Variants in GSN observed in about 807,000 individuals in gnomAD.
GSN encodes gelsolin, also known as actin-depolymerizing factor.
Under a neutral mutation model 85.7 loss-of-function variants are expected in GSN, and 56 were observed. The ratio of observed to expected loss-of-function variants is 0.65; its 90% CI spans 0.53 to 0.82. The LOEUF is 0.82. Among genes scored for constraint, GSN ranks in the 40% least tolerant of loss-of-function variants. The pLI, the probability that GSN is intolerant of heterozygous loss-of-function variation, is 0.00. For synonymous variants in GSN, 373 were observed against 399.1 expected, an observed-to-expected ratio of 0.93 and a Z score of 0.78; for missense variants, 857 against 979.8, an observed-to-expected ratio of 0.87 and a Z score of 1.67.
intron 6 of GSN, among the ~76,000 whole-genome samples, chr9:121,257,995 G>A (rs962285951): frequency 6.6e-6 from 1 of 152,162 alleles, no homozygotes. Flanking sequence ...AATGTAAGGA[G>A]GAAAAAATGA....
At position 121,216,227 on chromosome 9, in the gene GSN, C is replaced by T. The variant is rs191314157; in HGVS notation, c.-528+5360C>T. ...CCTCCCAAAGTTCTGGAATTACAGA[C>T]GTGAGCCACTGCACCCGGCCCATCA... On this transcript the variant is annotated intron_variant, in intron 4 of 24. Coordinates refer to the GSN transcript ENST00000373823. Among the ~76,000 whole-genome samples the T allele has an allele frequency of 4.6e-3, 701 of 152,212 alleles. 5 individuals carry two copies. The highest frequency in any genetic ancestry group is 0.016 in the African/African-American group (654 of 41,532).
Position 121,331,862 on chromosome 9 carries a change from C to G in GSN, c.2026+414C>G, listed in dbSNP as rs531420305. On this transcript the variant is annotated intron_variant, in intron 17 of 17. Transcript: ENST00000432226. ...TGAGCCCAGGAGTTTGAAAGCAGCC[C>G]GGGCAACATAGTGAAACCTCATCTC... The G allele has an allele frequency of 3.7e-5, 7 of 189,750 alleles. No homozygotes were observed. In the East Asian group the frequency reaches 9.1e-4, roughly 25 times the overall value. The allele number at this position is 189,750 out of a possible 1,614,324, so 11.8% of individuals were successfully genotyped here.
Position 121,317,178 on chromosome 9 carries a change from C to G in GSN, c.846C>G (p.Ile282Met), listed in dbSNP as rs756249390. 5 of 1,614,084 alleles carry G rather than the reference C, an allele frequency of 3.1e-6. No homozygotes were observed. The East Asian group carries it at 1.1e-4, about 36-fold the overall frequency. Reference protein sequence around the residue: ...QGALKSEDCFILDHGKDGKIF... With the variant: ...QGALKSEDCFMLDHGKDGKIF... Reference sequence around the variant, plus strand: ...CCCTGAAGTCAGAGGACTGCTTCATCCTGGACCACGGCAAAGATGGGAAAA... The same window carrying G: ...CCCTGAAGTCAGAGGACTGCTTCATGCTGGACCACGGCAAAGATGGGAAAA... Residue 282 changes from isoleucine to methionine, a missense_variant, in exon 8 of 18, where the codon ATC (isoleucine) becomes ATG (methionine). Ile to Met is a conservative substitution (Grantham distance 10). Coordinates refer to ENST00000432226, the MANE Select transcript of GSN (RefSeq NM_198252.3).
chr9:121,247,883 C>T (rs1046127113), intron 5 of GSN, among the ~76,000 whole-genome samples: 2 of 149,642 alleles, frequency 1.3e-5, no homozygotes, highest in Non-Finnish European at 3.0e-5. Flanking sequence ...CCCACCACCC[C>T]CAGTGCCCAC....
At chr9:121,276,911 T>G (rs1222628344) in intron 1 of GSN, among the ~76,000 whole-genome samples, 1 of 151,666 alleles carries the variant, frequency 6.6e-6, no homozygotes, top group African/African-American at 2.4e-5. Flanking sequence ...CTGCAGGTTG[T>G]GCACATGTAC....
At chr9:121,246,057 T>C (rs1440458373) in intron 5 of GSN, among the ~76,000 whole-genome samples, 1 of 152,244 alleles carries the variant, frequency 6.6e-6, no homozygotes, top group African/African-American at 2.4e-5. Flanking sequence ...TTTAGAGATA[T>C]ATTCTGAAAT....
chr9:121,317,401 A>G (rs1376522634), intron 8 of GSN, 183 bp downstream of exon 8: 6 of 664,732 alleles, frequency 9.0e-6, no homozygotes, highest in South Asian at 3.3e-5. Context: ...CACTTTACTT[A>G]CCCTTTCTGG....
Position 121,332,422 on chromosome 9 carries a change from G to C in GSN, c.2027-12G>C. 6.2e-7 allele frequency: 1 copy of C among 1,613,412 alleles called. No individual in the cohort carries two copies. The highest frequency in any genetic ancestry group is 8.5e-7 in the Non-Finnish European group (1 of 1,179,312). ...TTCCTGGGGTTTCCTTTTCTTGCAC[G>C]TGTGTCTGCAGCTAAGCGGTACATC... On this transcript the variant is annotated splice_polypyrimidine_tract_variant and intron_variant, in intron 17 of 17. Transcript: ENST00000432226. The surrounding 1 kb of genome is among the most constrained non-coding windows in gnomAD (Gnocchi z 4.8).
intron 5 of GSN, among the ~76,000 whole-genome samples, chr9:121,234,599 G>A (rs943233269): frequency 6.6e-6 from 1 of 152,198 alleles, no homozygotes; most frequent in Non-Finnish European, 1.5e-5. Context: ...AGCATCGTGT[G>A]ACATACGATG....
chr9:121,233,239 G>A (rs1006079209), intron 5 of GSN, among the ~76,000 whole-genome samples: 1 of 152,244 alleles, frequency 6.6e-6, no homozygotes, highest in South Asian at 2.1e-4. Flanking sequence ...ACTGAGGCAG[G>A]TGGATCACAA....
chr9:121,209,019 G>A (rs928119771), intron 1 of GSN, among the ~76,000 whole-genome samples: 4 of 152,328 alleles, frequency 2.6e-5, no homozygotes, highest in Middle Eastern at 3.4e-3. Flanking sequence ...CCTTTGCCTC[G>A]TCTGACTTCT....
At chr9:121,235,145 C>T (rs2054468264) in intron 5 of GSN, among the ~76,000 whole-genome samples, 1 of 152,194 alleles carries the variant, frequency 6.6e-6, no homozygotes, top group African/African-American at 2.4e-5. Context: ...TTCAGCAACT[C>T]CCCGAATCCG....
intron 4 of GSN, among the ~76,000 whole-genome samples, chr9:121,218,606 G>C (rs1022900444): frequency 1.3e-5 from 2 of 152,218 alleles, no homozygotes; most frequent in Non-Finnish European, 1.5e-5. Flanking sequence ...CTGCACTCCA[G>C]CCTAGGTAAC....
In GSN at chr9:121,302,120, T is replaced by C; in HGVS notation, c.149T>C (p.Val50Ala). 2 of 1,614,190 alleles carry C rather than the reference T, an allele frequency of 1.2e-6. No homozygotes were observed. Among genetic ancestry groups the C allele is most frequent in the Non-Finnish European group, 1.7e-6 (2 of 1,180,004 alleles). Residue 50 changes from valine (V) to alanine (A), a missense_variant, in exon 3 of 18, where the codon GTG becomes GCG. Coordinates refer to ENST00000432226, the MANE Select transcript of GSN (RefSeq NM_198252.3). ...TGDAYVILKTVQLRNGNLQYD... is the reference protein window; with the variant it reads ...TGDAYVILKTAQLRNGNLQYD... ...GACGCCTACGTCATCCTGAAGACAGTGCAGCTGAGGAACGGAAATCTGCAG... is the reference window on the plus strand; with the variant it reads ...GACGCCTACGTCATCCTGAAGACAGCGCAGCTGAGGAACGGAAATCTGCAG...
intron 5 of GSN, among the ~76,000 whole-genome samples, chr9:121,246,337 G>A (rs1021204586): frequency 6.6e-6 from 1 of 152,172 alleles, no homozygotes; most frequent in African/African-American, 2.4e-5. Context: ...CAGTCACTTT[G>A]TGAGAATGAA....
upstream of GSN, among the ~76,000 whole-genome samples, chr9:121,266,503 C>G (rs1338609821): frequency 6.6e-6 from 1 of 152,216 alleles, no homozygotes; most frequent in Non-Finnish European, 1.5e-5. Flanking sequence ...GTGAGCCTCC[C>G]TGCGGGGTGG....
chr9:121,303,490 A>T (rs1337786939), intron 4 of GSN, among the ~76,000 whole-genome samples: 1 of 152,198 alleles, frequency 6.6e-6, no homozygotes. Context: ...TGTTAGTCAC[A>T]TCCCTCTTTC....
chr9:121,224,845 G>T (rs904216576), intron 4 of GSN, among the ~76,000 whole-genome samples: 6 of 151,460 alleles, frequency 4.0e-5, no homozygotes, highest in Non-Finnish European at 5.9e-5. Flanking sequence ...TTGAGACAGG[G>T]TCTCACTCTG....
At chr9:121,212,158 A>T (rs997058836) in intron 4 of GSN, among the ~76,000 whole-genome samples, 1 of 151,862 alleles carries the variant, frequency 6.6e-6, no homozygotes, top group African/African-American at 2.4e-5. Flanking sequence ...ATAATGCGAT[A>T]AAAAAACATA....
Sources: allele counts gnomAD v4.1 joint callset (sites outside exome capture counted in the v4.1 genomes callset), GRCh38; gene constraint gnomAD v4.1.1; non-coding constraint Gnocchi (gnomAD v3.1); transcripts MANE v1.5; gene names NCBI Gene and HGNC (gene_info 2026-07-23, HGNC 2026-07-21).